MRPS28: variants seen among roughly 807,000 people sequenced by gnomAD.
The protein encoded by MRPS28 is small ribosomal subunit protein bS1m.
Under a neutral mutation model 10.8 loss-of-function variants are expected in MRPS28, and 7 were observed. The ratio of observed to expected loss-of-function variants is 0.65; its 90% CI spans 0.37 to 1.22. The LOEUF (loss-of-function observed/expected upper bound fraction) is 1.22. Among genes scored for constraint, MRPS28 ranks in the 50% most tolerant of loss-of-function variants. MRPS28 has a pLI of 0.02. For synonymous variants in MRPS28, 121 were observed against 93.3 expected (o/e 1.30, Z -1.71); for missense variants, 265 against 232.9 (o/e 1.14, Z -0.90).
intron 2 of MRPS28, among the ~76,000 whole-genome samples, chr8:79,966,525 A>T (rs557595154): frequency 2.6e-5 from 4 of 152,198 alleles, no homozygotes; most frequent in African/African-American, 9.6e-5. Context: ...TTATGCTAGA[A>T]ATCAATAATA....
intron 2 of MRPS28, among the ~76,000 whole-genome samples, chr8:80,002,582 C>A (rs1003786995): frequency 4.0e-5 from 6 of 151,888 alleles, no homozygotes; most frequent in African/African-American, 1.5e-4. Flanking sequence ...AGAATGAACT[C>A]TATTTATTAG....
At chr8:80,005,280 C>T (rs1436512861) in intron 1 of MRPS28, among the ~76,000 whole-genome samples, 8 of 152,256 alleles carry the variant, frequency 5.3e-5, no homozygotes, top group South Asian at 2.1e-4. Flanking sequence ...AGACTAACAG[C>T]GGATCTCTCG....
rs1808731385 is a variant in MRPS28 at position 80,003,639 on chromosome 8, G to A, written c.214-459C>T. 2.6e-5 allele frequency among the ~76,000 whole-genome samples: 4 copies of A among 152,326 alleles called. No homozygotes were observed. The South Asian group carries it at 8.3e-4, about 32-fold the overall frequency. ...GGGTTCATTTCACTGGTGCTTGTCGGACAGCGGGTGCAGGGCAGTGGGTGC... is the reference window on the plus strand; with the variant it reads ...GGGTTCATTTCACTGGTGCTTGTCGAACAGCGGGTGCAGGGCAGTGGGTGC... On this transcript the variant is annotated intron_variant, in intron 1 of 2. Coordinates refer to ENST00000276585, the MANE Select transcript of MRPS28 (RefSeq NM_014018.3).
At chr8:79,927,820 G>A (rs532939511) in intron 2 of MRPS28, among the ~76,000 whole-genome samples, 1 of 152,326 alleles carries the variant, frequency 6.6e-6, no homozygotes, top group East Asian at 1.9e-4. Flanking sequence ...TGTTATTGCA[G>A]TAGAGTATGT....
At chr8:79,988,853 C>T (rs1428280157) in intron 2 of MRPS28, among the ~76,000 whole-genome samples, 1 of 152,170 alleles carries the variant, frequency 6.6e-6, no homozygotes, top group Non-Finnish European at 1.5e-5. Flanking sequence ...TGCTTGACTT[C>T]CTTGCACATG....
At position 79,919,164 on chromosome 8, in the gene MRPS28, A is replaced by T; in HGVS notation, c.396-16T>A. ...CTGGTATTTCCTAAATAGTTAAAAA[A>T]AAAAAAATCCATTAATTCTGAATAT... On this transcript the variant is annotated splice_polypyrimidine_tract_variant and intron_variant, in intron 2 of 2. Transcript: ENST00000276585. 2 of 1,544,058 alleles carry T rather than the reference A, an allele frequency of 1.3e-6. No individual in the cohort carries two copies. Among genetic ancestry groups the T allele is most frequent in the Non-Finnish European group, 1.7e-6 (2 of 1,150,442 alleles).
chr8:80,017,048 G>A (rs1261897097), intron 1 of MRPS28, among the ~76,000 whole-genome samples: 1 of 152,066 alleles, frequency 6.6e-6, no homozygotes, highest in Non-Finnish European at 1.5e-5. Context: ...CCACATTCTG[G>A]ACCATAAAAC....
At chr8:79,953,392 G>A (rs1807127007) in intron 2 of MRPS28, among the ~76,000 whole-genome samples, 1 of 152,142 alleles carries the variant, frequency 6.6e-6, no homozygotes, top group African/African-American at 2.4e-5. Context: ...ACATGGTACA[G>A]AATAGAGATA....
At chr8:79,950,153 A>G (rs557591631) in intron 2 of MRPS28, among the ~76,000 whole-genome samples, 1 of 152,328 alleles carries the variant, frequency 6.6e-6, no homozygotes, top group South Asian at 2.1e-4. Flanking sequence ...TAGTAAAACA[A>G]AATATTCATT....
At chr8:80,020,267 CTAGACT>C (rs1283527813) in intron 1 of MRPS28, among the ~76,000 whole-genome samples, 4 of 152,102 alleles carry the variant, frequency 2.6e-5, no homozygotes, top group African/African-American at 9.7e-5. Flanking sequence ...ATGTTTCTTA[CTAGACT>C]TAAAGAGTCA....
At chr8:79,938,239 C>G (rs1292218052) in intron 2 of MRPS28, among the ~76,000 whole-genome samples, 1 of 145,740 alleles carries the variant, frequency 6.9e-6, no homozygotes, top group Non-Finnish European at 1.5e-5. Flanking sequence ...TGGGGGGGGG[C>G]ATGCTCCTCC....
At chr8:79,997,930 C>A (rs6999546) in intron 2 of MRPS28, among the ~76,000 whole-genome samples, 1 of 151,872 alleles carries the variant, frequency 6.6e-6, no homozygotes, top group African/African-American at 2.4e-5. Flanking sequence ...TGGCACATGC[C>A]TGTAATCCCA....
intron 2 of MRPS28, among the ~76,000 whole-genome samples, chr8:79,981,884 T>C (rs1294120585): frequency 6.6e-6 from 1 of 152,246 alleles, no homozygotes; most frequent in Non-Finnish European, 1.5e-5. Context: ...AAGGATTTAA[T>C]TATACCTATT....
At chr8:79,929,009 G>A (rs1367989606) in intron 2 of MRPS28, among the ~76,000 whole-genome samples, 2 of 152,120 alleles carry the variant, frequency 1.3e-5, no homozygotes, top group African/African-American at 4.8e-5. Context: ...TTTTGCTACT[G>A]CACTCCAGCC....
chr8:80,022,680 A>C (rs1013194789), intron 1 of MRPS28, among the ~76,000 whole-genome samples: 1 of 152,232 alleles, frequency 6.6e-6, no homozygotes, highest in Non-Finnish European at 1.5e-5. Flanking sequence ...GCTCCACTTG[A>C]ATGTGCTTAA....
At chr8:79,992,431 C>T (rs1808392478) in intron 2 of MRPS28, among the ~76,000 whole-genome samples, 1 of 152,128 alleles carries the variant, frequency 6.6e-6, no homozygotes, top group Non-Finnish European at 1.5e-5. Context: ...AGTTTCATGT[C>T]TTTGGGAGGC....
At chr8:80,022,321 C>T (rs1431777237) in intron 1 of MRPS28, among the ~76,000 whole-genome samples, 1 of 152,134 alleles carries the variant, frequency 6.6e-6, no homozygotes, top group African/African-American at 2.4e-5. Flanking sequence ...GGATGTACCA[C>T]AGTTTGTTTA....
chr8:79,979,918 A>G (rs1276105290), intron 2 of MRPS28, among the ~76,000 whole-genome samples: 53 of 127,968 alleles, frequency 4.1e-4, no homozygotes, highest in African/African-American at 1.8e-3. Context: ...TCTCACGCAA[A>G]AAAAAAAAAA....
intron 2 of MRPS28, among the ~76,000 whole-genome samples, chr8:79,935,020 C>G (rs1806568687): frequency 6.6e-6 from 1 of 152,306 alleles, no homozygotes; most frequent in South Asian, 2.1e-4. Context: ...TCCATGACCA[C>G]AAAACTATGC....
Sources: allele counts gnomAD v4.1 joint callset (sites outside exome capture counted in the v4.1 genomes callset), GRCh38; gene constraint gnomAD v4.1.1; transcripts MANE v1.5; gene names NCBI Gene and HGNC (gene_info 2026-07-23, HGNC 2026-07-21).